The following BCAS3 variants were observed in gnomAD, a reference collection of about 807,000 sequenced individuals.
BCAS3 encodes BCAS3 microtubule associated cell migration factor.
A neutral mutation model predicts 116.1 loss-of-function variants in BCAS3; 53 were observed. The ratio of observed to expected loss-of-function variants is 0.46; its 90% CI spans 0.37 to 0.57. The LOEUF (loss-of-function observed/expected upper bound fraction) is 0.57. Ranked by LOEUF, BCAS3 falls within the 20% of genes least tolerant of loss-of-function variation. The pLI, the probability that BCAS3 is intolerant of heterozygous loss-of-function variation, is 0.00. For missense variants in BCAS3, 917 were observed against 1,165.4 expected (o/e 0.79, Z 3.10); for synonymous variants, 391 against 408.2 (o/e 0.96, Z 0.51).
At chr17:61,312,661 G>A (rs1040776108) in intron 22 of BCAS3, among the ~76,000 whole-genome samples, 5 of 152,064 alleles carry the variant, frequency 3.3e-5, no homozygotes, top group African/African-American at 4.8e-5. Flanking sequence ...AGGGGCCCTC[G>A]GGATGCTGGT....
In BCAS3 at chr17:61,028,351, T is replaced by C. The variant is rs986915693; in HGVS notation, c.1638-6315T>C. Among the ~76,000 whole-genome samples the C allele has an allele frequency of 2.0e-5, 3 of 151,872 alleles. No homozygotes were observed. The highest frequency in any genetic ancestry group is 7.2e-5 in the African/African-American group (3 of 41,430). On this transcript the variant is annotated intron_variant, in intron 16 of 23. Transcript: ENST00000407086. This position sits in a 1 kb window ranked among gnomAD's most constrained non-coding sequence, Gnocchi z 4.3. ...AGGATATACAAGAATATAAATCTCA[T>C]GAAAGTTGATCTTTATTCATTTTGT...
chr17:60,863,990 G>A (rs1253662874), intron 7 of BCAS3, among the ~76,000 whole-genome samples: 1 of 152,198 alleles, frequency 6.6e-6, no homozygotes, highest in Non-Finnish European at 1.5e-5. Context: ...TGAGTATCAG[G>A]CAGTGCAGCT....
intron 6 of BCAS3, among the ~76,000 whole-genome samples, chr17:60,780,452 G>A (rs1433947655): frequency 2.6e-5 from 4 of 151,870 alleles, no homozygotes; most frequent in African/African-American, 9.7e-5. Flanking sequence ...ATAGGCACCC[G>A]CCACCATGCC....
At chr17:60,847,578 C>A (rs1365038636) in intron 7 of BCAS3, among the ~76,000 whole-genome samples, 1 of 152,132 alleles carries the variant, frequency 6.6e-6, no homozygotes, top group Non-Finnish European at 1.5e-5. Flanking sequence ...TTTGCATTAT[C>A]CTAATGACTA....
At chr17:61,358,787 C>T (rs909256979) in intron 22 of BCAS3, among the ~76,000 whole-genome samples, 3 of 152,100 alleles carry the variant, frequency 2.0e-5, no homozygotes, top group African/African-American at 2.4e-5. Flanking sequence ...TGAGCCACCG[C>T]GTCTGGCCTT....
At chr17:60,902,492 A>G in intron 10 of BCAS3, 128 bp from the exon 11 acceptor site, 1 of 733,946 alleles carries the variant, frequency 1.4e-6, no homozygotes, top group Non-Finnish European at 2.3e-6. Flanking sequence ...TGTCTGAAAT[A>G]CACTCATGCA....
Position 61,026,534 on chromosome 17 carries a change from C to G in BCAS3, c.1638-8132C>G, listed in dbSNP as rs967638586. On this transcript the variant is annotated intron_variant, in intron 16 of 23. Transcript: ENST00000407086. This position sits in a 1 kb window ranked among gnomAD's most constrained non-coding sequence, Gnocchi z 5.0. ...TGCTATTGATCTCACTCTTCTCCAT[C>G]TGGTTATTCCATTTAACTTATACCT... 2.0e-5 allele frequency among the ~76,000 whole-genome samples: 3 copies of G among 152,022 alleles called. No homozygotes were observed. Among genetic ancestry groups the G allele is most frequent in the African/African-American group, 7.2e-5 (3 of 41,436 alleles).
chr17:60,860,161 T>G (rs2054036489), intron 7 of BCAS3, among the ~76,000 whole-genome samples: 1 of 152,178 alleles, frequency 6.6e-6, no homozygotes, highest in African/African-American at 2.4e-5. Context: ...CTAGCATCTA[T>G]TATTTTTTGG....
chr17:60,805,106 G>A (rs959608019), intron 6 of BCAS3, among the ~76,000 whole-genome samples: 1 of 150,686 alleles, frequency 6.6e-6, no homozygotes, highest in East Asian at 1.9e-4. Flanking sequence ...TATAGTTATC[G>A]TTATATAAAT....
At chr17:60,687,298 G>C (rs2034194493) in intron 3 of BCAS3, among the ~76,000 whole-genome samples, 1 of 152,154 alleles carries the variant, frequency 6.6e-6, no homozygotes, top group African/African-American at 2.4e-5. Context: ...GCAGTACACT[G>C]ACCTCTATAA....
chr17:61,079,208 C>T (rs1568305688), intron 21 of BCAS3, among the ~76,000 whole-genome samples: 1 of 151,990 alleles, frequency 6.6e-6, no homozygotes, highest in African/African-American at 2.4e-5. Context: ...AATATAATCT[C>T]CCTTTTCTTG....
chr17:61,024,584 G>A (rs964724121), intron 16 of BCAS3, among the ~76,000 whole-genome samples: 1 of 151,998 alleles, frequency 6.6e-6, no homozygotes. Flanking sequence ...TATGGGACAA[G>A]GAAGTAGTTG....
intron 22 of BCAS3, among the ~76,000 whole-genome samples, chr17:61,273,589 C>A (rs762506860): frequency 6.6e-6 from 1 of 151,678 alleles, no homozygotes; most frequent in Admixed American, 6.6e-5. Flanking sequence ...TTTCTTGGTT[C>A]TATGAGTTTA....
intron 10 of BCAS3, among the ~76,000 whole-genome samples, chr17:60,898,755 CA>C (rs1035555385): frequency 9.9e-5 from 15 of 152,124 alleles, no homozygotes; most frequent in Non-Finnish European, 2.2e-4. Flanking sequence ...AGCCCCTGGG[CA>C]GCCAGTGTAA....
intron 7 of BCAS3, among the ~76,000 whole-genome samples, chr17:60,849,211 G>C (rs1235102162): frequency 6.6e-6 from 1 of 152,056 alleles, no homozygotes; most frequent in East Asian, 1.9e-4. Flanking sequence ...AAGGATTGAT[G>C]CTGCAGTCTT....
At chr17:60,899,186 C>T (rs559626273) in intron 10 of BCAS3, among the ~76,000 whole-genome samples, 2 of 152,104 alleles carry the variant, frequency 1.3e-5, no homozygotes, top group South Asian at 4.2e-4. Flanking sequence ...TAGGTCTGGC[C>T]TCAGTGGCCA....
At chr17:61,209,312 T>C (rs2081324820) in intron 22 of BCAS3, among the ~76,000 whole-genome samples, 1 of 152,230 alleles carries the variant, frequency 6.6e-6, no homozygotes. Context: ...TGTCCTCTTC[T>C]GTTGCTGAAA....
intron 14 of BCAS3, among the ~76,000 whole-genome samples, chr17:60,974,953 A>AT (rs2062201135): frequency 6.6e-6 from 1 of 150,632 alleles, no homozygotes; most frequent in South Asian, 2.1e-4. Flanking sequence ...CCTTTTACCC[A>AT]TATTATATTC....
At chr17:60,827,517 C>T (rs1329975083) in intron 7 of BCAS3, among the ~76,000 whole-genome samples, 3 of 152,048 alleles carry the variant, frequency 2.0e-5, no homozygotes, top group Non-Finnish European at 4.4e-5. Flanking sequence ...TTCATATTCC[C>T]AGTAGAAGCT....
Sources: allele counts gnomAD v4.1 joint callset (sites outside exome capture counted in the v4.1 genomes callset), GRCh38; gene constraint gnomAD v4.1.1; non-coding constraint Gnocchi (gnomAD v3.1); transcripts MANE v1.5; gene names NCBI Gene and HGNC (gene_info 2026-07-23, HGNC 2026-07-21).